Variants in UBR1 observed in about 807,000 individuals in gnomAD.
The protein encoded by UBR1 is E3 ubiquitin-protein ligase UBR1.
In UBR1, 102 loss-of-function variants were observed where a neutral mutation model predicts 242.1. That is an observed-to-expected ratio of 0.42 (90% confidence interval 0.36 to 0.50). The LOEUF (loss-of-function observed/expected upper bound fraction) is 0.50. Among genes scored for constraint, UBR1 ranks in the 20% least tolerant of loss-of-function variants. The pLI is 0.01. For missense variants in UBR1, 1,772 were observed against 2,101.8 expected, an observed-to-expected ratio of 0.84 and a Z score of 3.07; for synonymous variants, 675 against 684.8, an observed-to-expected ratio of 0.99 and a Z score of 0.22.
intron 27 of UBR1, among the ~76,000 whole-genome samples, chr15:43,018,235 TC>T (rs898452882): frequency 1.3e-5 from 2 of 152,138 alleles, no homozygotes; most frequent in African/African-American, 2.4e-5. Flanking sequence ...TCTCCTGACC[TC>T]ATGATCCGCC....
chr15:42,960,171 A>G (rs1430320566), intron 43 of UBR1, among the ~76,000 whole-genome samples: 1 of 152,182 alleles, frequency 6.6e-6, no homozygotes, highest in Non-Finnish European at 1.5e-5. Flanking sequence ...ATTTTGTTAG[A>G]GACAACTTAA....
chr15:43,017,315 A>G, intron 27 of UBR1, 134 bp from the exon 28 acceptor site: 1 of 681,314 alleles, frequency 1.5e-6, no homozygotes, highest in South Asian at 1.7e-5. Flanking sequence ...ATATATGAAG[A>G]AAAAAAGTGA....
intron 26 of UBR1, 111 bp from the exon 27 acceptor site, chr15:43,021,486 T>C: frequency 2.2e-6 from 2 of 889,890 alleles, no homozygotes; most frequent in South Asian, 1.4e-5. Flanking sequence ...TAATGCTCAA[T>C]TCCCTTATGT....
intron 41 of UBR1, 121 bp downstream of exon 41, chr15:42,966,032 A>G (rs2032099929): frequency 2.1e-6 from 3 of 1,439,646 alleles, no homozygotes; most frequent in Non-Finnish European, 2.9e-6. Flanking sequence ...GGGAACACAC[A>G]TGAAAGAAAT....
At chr15:43,082,860 G>A (rs1331963895) in intron 2 of UBR1, 144 bp from the exon 3 acceptor site, 2 of 692,848 alleles carry the variant, frequency 2.9e-6, no homozygotes, top group Non-Finnish European at 5.2e-6. Flanking sequence ...TTGTTAAAAT[G>A]TTTTGAACAA....
chr15:43,027,059 ACAT>A (rs1434843294), intron 22 of UBR1, among the ~76,000 whole-genome samples: 8 of 152,204 alleles, frequency 5.3e-5, no homozygotes, highest in Non-Finnish European at 1.0e-4. Flanking sequence ...CAGTAGGGAG[ACAT>A]CATAACCTTA....
intron 10 of UBR1, among the ~76,000 whole-genome samples, chr15:43,057,106 C>CA (rs879598906): frequency 1.2e-4 from 18 of 151,588 alleles, no homozygotes; most frequent in Non-Finnish European, 1.5e-4. Flanking sequence ...CCATGGTGTA[C>CA]AAAAAAAATC....
At chr15:43,017,592 C>A (rs34209024) in intron 27 of UBR1, among the ~76,000 whole-genome samples, 2,239 of 152,130 alleles carry the variant, frequency 0.015, 39 homozygotes, top group Non-Finnish European at 0.021. Context: ...GGTGGATCAC[C>A]TGAGGTCAGG....
chr15:42,986,453 C>T (rs2032460788), intron 35 of UBR1, among the ~76,000 whole-genome samples: 1 of 152,150 alleles, frequency 6.6e-6, no homozygotes, highest in Admixed American at 6.5e-5. Flanking sequence ...TTTTAATGTT[C>T]AAGGTCTAAA....
At chr15:42,995,652 A>G (rs1169936365) in intron 33 of UBR1, among the ~76,000 whole-genome samples, 1 of 152,170 alleles carries the variant, frequency 6.6e-6, no homozygotes, top group Non-Finnish European at 1.5e-5. Context: ...TGGGCGACAG[A>G]GCGAGACTCC....
chr15:43,038,824 C>A (rs1444030242), intron 15 of UBR1, among the ~76,000 whole-genome samples: 1 of 151,860 alleles, frequency 6.6e-6, no homozygotes, highest in East Asian at 1.9e-4. Flanking sequence ...GAAAATTAAT[C>A]TAAGTATTTT....
intron 29 of UBR1, among the ~76,000 whole-genome samples, chr15:43,013,667 C>A (rs979730176): frequency 7.9e-5 from 12 of 152,082 alleles, no homozygotes; most frequent in African/African-American, 2.7e-4. Context: ...CATAAAGGTT[C>A]CTAACCTAAC....
rs1017583113 is a variant in UBR1 at position 42,966,216 on chromosome 15, G to A, written c.4528C>T (p.Arg1510Cys). Reference sequence around the variant, plus strand: ...TAGTGGAAAAACAATGCAGCACAGCGAAGATAAGGGGTGATGCCATTCTTC... The same window carrying A: ...TAGTGGAAAAACAATGCAGCACAGCAAAGATAAGGGGTGATGCCATTCTTC... ...SLKNGITPYL[R>C]CAALFFHYLL... The change falls in exon 41 of 47, where the codon CGC (arginine) becomes TGC (cysteine). Residue 1510 changes from arginine to cysteine, a missense_variant. By Grantham distance (180) the Arg-to-Cys change is radical (BLOSUM62 -3). Around this residue, in one of 3 missense-constraint regions of UBR1, gnomAD observed 965 missense variants for 1,079.7 expected, o/e 0.89. Coordinates refer to ENST00000290650, the MANE Select transcript of UBR1 (RefSeq NM_174916.3). 7 of 1,614,036 alleles carry A rather than the reference G, an allele frequency of 4.3e-6. No homozygotes were observed. Among genetic ancestry groups the A allele is most frequent in the Non-Finnish European group, 5.9e-6 (7 of 1,180,046 alleles).
Position 43,040,850 on chromosome 15 carries a change from A to G in UBR1, c.1849+2365T>C, listed in dbSNP as rs1247779044. Among the ~76,000 whole-genome samples, 5 of 152,334 alleles carry G rather than the reference A, an allele frequency of 3.3e-5. No individual in the cohort carries two copies. The East Asian group carries it at 9.6e-4, about 29-fold the overall frequency. ...ACAGACACATGAAAAAATGTTCATC[A>G]TCACTGGCCATCAGAGAAATGCAAA... On this transcript the variant is annotated intron_variant, in intron 15 of 46. Coordinates refer to ENST00000290650, the MANE Select transcript of UBR1 (RefSeq NM_174916.3).
At chr15:43,087,784 C>G (rs1438204932) in intron 1 of UBR1, among the ~76,000 whole-genome samples, 2 of 151,986 alleles carry the variant, frequency 1.3e-5, no homozygotes, top group Non-Finnish European at 2.9e-5. Context: ...TCGTCAAAGA[C>G]TGGAAACAAC....
At chr15:43,047,430 A>T in intron 13 of UBR1, 141 bp from the exon 14 acceptor site, 2 of 1,253,702 alleles carry the variant, frequency 1.6e-6, no homozygotes, top group Middle Eastern at 3.8e-4. Context: ...TTCAATTCCC[A>T]GCTCTCAGGT....
intron 44 of UBR1, among the ~76,000 whole-genome samples, chr15:42,952,684 T>C (rs1479709725): frequency 1.3e-5 from 2 of 152,210 alleles, no homozygotes; most frequent in Non-Finnish European, 2.9e-5. Context: ...ATTACATAAA[T>C]GGTGTCCTGA....
At chr15:42,974,022 G>A (rs898618925) in intron 39 of UBR1, among the ~76,000 whole-genome samples, 54 of 151,342 alleles carry the variant, frequency 3.6e-4, no homozygotes, top group Non-Finnish European at 8.8e-5. Flanking sequence ...CCAAGTAGCT[G>A]GGACTACAGG....
intron 40 of UBR1, among the ~76,000 whole-genome samples, chr15:42,966,708 T>G (rs2032112131): frequency 6.6e-6 from 1 of 151,064 alleles, no homozygotes; most frequent in South Asian, 2.1e-4. Flanking sequence ...GAGTAGCAAA[T>G]AGTTTCAGTG....
Sources: gnomAD v4.1 joint callset for allele counts (sites outside exome capture counted in the v4.1 genomes callset) on GRCh38, gnomAD v4.1.1 for gene constraint, gnomAD v4.1.1 regional missense constraint, MANE v1.5 for transcripts, NCBI Gene and HGNC (gene_info 2026-07-23, HGNC 2026-07-21) for gene names.